LY96: variants seen among roughly 807,000 people sequenced by gnomAD.
LY96 encodes the protein lymphocyte antigen 96.
LY96 carries 18 observed loss-of-function variants against 18.9 expected under a neutral mutation model. The observed-to-expected ratio is 0.95, with a 90% CI of 0.66 to 1.41. The LOEUF is 1.41. Among genes scored for constraint, LY96 ranks in the 40% most tolerant of loss-of-function variants. LY96 has a pLI of 0.00. For synonymous variants in LY96, 66 were observed against 62.6 expected (o/e 1.06, Z -0.26); for missense variants, 175 against 182.4 (o/e 0.96, Z 0.23).
intron 3 of LY96, among the ~76,000 whole-genome samples, chr8:74,017,247 A>G (rs1414312300): frequency 1.3e-5 from 2 of 152,212 alleles, no homozygotes; most frequent in African/African-American, 2.4e-5. Flanking sequence ...CGAGAACTAC[A>G]TGACACATGC....
chr8:74,006,741 GT>G (rs951192819), intron 2 of LY96, among the ~76,000 whole-genome samples: 3 of 152,068 alleles, frequency 2.0e-5, no homozygotes, highest in African/African-American at 7.2e-5. Flanking sequence ...CTGTTGGCAG[GT>G]TTTACCCCTA....
the LY96 span, among the ~76,000 whole-genome samples, chr8:74,094,396 T>C: frequency 3.3e-4 from 50 of 152,330 alleles, 1 homozygote; most frequent in South Asian, 4.1e-3. Context: ...TCTGTGCTAG[T>C]ATTGTTGAAG....
chr8:74,014,364 G>A (rs1165457121), intron 3 of LY96, among the ~76,000 whole-genome samples: 5 of 143,082 alleles, frequency 3.5e-5, no homozygotes, highest in African/African-American at 1.0e-4. Flanking sequence ...GTGATCCACC[G>A]CTGCACTCCC....
downstream of LY96, among the ~76,000 whole-genome samples, chr8:74,029,559 A>G (rs1256540629): frequency 1.3e-5 from 2 of 152,120 alleles, no homozygotes; most frequent in Non-Finnish European, 2.9e-5. Context: ...CCTTCCTGCC[A>G]CCATACGAAG....
chr8:74,067,787 C>T, the LY96 span, among the ~76,000 whole-genome samples: 4 of 151,914 alleles, frequency 2.6e-5, no homozygotes, highest in Non-Finnish European at 5.9e-5. Flanking sequence ...CCAGACCGGG[C>T]GCAGTGACTT....
chr8:74,039,356 T>G, the LY96 span, among the ~76,000 whole-genome samples: 4 of 152,168 alleles, frequency 2.6e-5, no homozygotes, highest in Admixed American at 2.6e-4. Context: ...GTGCAGATCT[T>G]TTTAACTTGA....
chr8:74,042,479 G>T, the LY96 span, among the ~76,000 whole-genome samples: 1 of 151,764 alleles, frequency 6.6e-6, no homozygotes, highest in Non-Finnish European at 1.5e-5. Flanking sequence ...AACCGAGATC[G>T]TTCACTCCAG....
the LY96 span, among the ~76,000 whole-genome samples, chr8:74,083,352 T>C: frequency 6.6e-6 from 1 of 152,056 alleles, no homozygotes; most frequent in South Asian, 2.1e-4. Context: ...GTAGCTGAGA[T>C]TACAGGCGCC....
At chr8:73,998,145 T>C (rs1340358578) in intron 1 of LY96, among the ~76,000 whole-genome samples, 1 of 152,062 alleles carries the variant, frequency 6.6e-6, no homozygotes, top group African/African-American at 2.4e-5. Context: ...GAAAAAAAGA[T>C]GCTGCTATTG....
chr8:74,046,319 C>A, the LY96 span, among the ~76,000 whole-genome samples: 1 of 152,112 alleles, frequency 6.6e-6, no homozygotes, highest in Non-Finnish European at 1.5e-5. Context: ...GACCAAGAAT[C>A]TGACAGTCAA....
chr8:74,072,098 T>G, the LY96 span, among the ~76,000 whole-genome samples: 3 of 152,290 alleles, frequency 2.0e-5, no homozygotes, highest in Non-Finnish European at 2.9e-5. Context: ...TAACACTAAA[T>G]AATTTTCCAA....
the LY96 span, among the ~76,000 whole-genome samples, chr8:74,080,428 T>C: frequency 6.6e-6 from 1 of 152,100 alleles, no homozygotes; most frequent in Non-Finnish European, 1.5e-5. Flanking sequence ...TATGGCTGAG[T>C]GTGGAGGTGC....
the LY96 span, among the ~76,000 whole-genome samples, chr8:74,070,167 C>T: frequency 6.6e-6 from 1 of 151,804 alleles, no homozygotes; most frequent in Non-Finnish European, 1.5e-5. Context: ...TCTCGGCTCA[C>T]TGCAAGCTCC....
the LY96 span, among the ~76,000 whole-genome samples, chr8:74,079,819 G>A: frequency 6.6e-6 from 1 of 151,894 alleles, no homozygotes; most frequent in Non-Finnish European, 1.5e-5. Context: ...AAAATTGCTG[G>A]GATTACAGGT....
chr8:73,996,372 CCTTTCTTTCTTTCTTTCTTT>C lies in LY96; in HGVS notation c.112+4867_112+4886del, dbSNP rs541600290. Among the ~76,000 whole-genome samples, 37 of 111,006 alleles carry C rather than the reference CCTTTCTTTCTTTCTTTCTTT, an allele frequency of 3.3e-4. 1 individual carries two copies. The highest frequency in any genetic ancestry group is 1.1e-3 in the African/African-American group (31 of 28,544). 72.8% of individuals were successfully genotyped at this position (111,006 alleles called of 152,430 possible). Reference sequence around the variant, plus strand: ...TCCTTCCTTCCTTCCTTCCTTCATTCCTTTCTTTCTTTCTTTCTTTCTTTCTTTCTTTCTTTCTTTCTTTC... The same window carrying C: ...TCCTTCCTTCCTTCCTTCCTTCATTCCTTTCTTTCTTTCTTTCTTTCTTTC... On this transcript the variant is annotated intron_variant, in intron 1 of 4. Transcript: ENST00000284818.
chr8:74,056,559 G>T, the LY96 span: 1 of 161,444 alleles, frequency 6.2e-6, no homozygotes, highest in South Asian at 1.6e-4. Flanking sequence ...ACGGTGAAGG[G>T]AGCAGTTCTG....
the LY96 span, among the ~76,000 whole-genome samples, chr8:74,069,644 C>T: frequency 6.6e-6 from 1 of 152,118 alleles, no homozygotes; most frequent in Non-Finnish European, 1.5e-5. Flanking sequence ...ACTCAGTTGT[C>T]CAGGCTGGAG....
chr8:74,010,922 T>A (rs1816518615), intron 3 of LY96, among the ~76,000 whole-genome samples: 1 of 151,952 alleles, frequency 6.6e-6, no homozygotes. Flanking sequence ...TTTTTTTTAA[T>A]TGTGCATTTC....
chr8:74,090,828 A>G, the LY96 span, among the ~76,000 whole-genome samples: 1 of 152,246 alleles, frequency 6.6e-6, no homozygotes, highest in Non-Finnish European at 1.5e-5. Flanking sequence ...TGAAACTAAC[A>G]TTTGAAAATG....
Sources: allele counts gnomAD v4.1 joint callset (sites outside exome capture counted in the v4.1 genomes callset), GRCh38; gene constraint gnomAD v4.1.1; transcripts MANE v1.5; gene names NCBI Gene and HGNC (gene_info 2026-07-23, HGNC 2026-07-21).